Variants in MTMR7 observed in about 807,000 individuals in gnomAD.
The protein encoded by MTMR7 is myotubularin related protein 7.
In MTMR7, 76 loss-of-function variants were observed where a neutral mutation model predicts 81.2. The ratio of observed to expected loss-of-function variants is 0.94; its 90% confidence interval spans 0.78 to 1.13. The LOEUF (loss-of-function observed/expected upper bound fraction) is 1.13, where lower values mean the gene tolerates loss of function less well. Among genes scored for constraint, MTMR7 ranks in the 50% most tolerant of loss-of-function variants. The pLI, the probability that MTMR7 is intolerant of heterozygous loss-of-function variation, is 0.00. For synonymous variants in MTMR7, 372 were observed against 289.8 expected (o/e 1.28, Z -2.88); for missense variants, 1,044 against 820.0 (o/e 1.27, Z -3.34).
intron 1 of MTMR7, among the ~76,000 whole-genome samples, chr8:17,409,139 T>G (rs1297847402): frequency 6.6e-6 from 1 of 152,098 alleles, no homozygotes; most frequent in Non-Finnish European, 1.5e-5. Context: ...ACAAGAGGCC[T>G]GGATTAATAA....
chr8:17,361,246 T>G lies in MTMR7; in HGVS notation c.339A>C (p.Ser113=), dbSNP rs144423444. The part of the protein sequence containing the change: ...PVKYEELYCF[S]FNPMLDKEER... ...CTTCTTTATCCAGCATGGGGTTGAATGAAAAGCAGTATAACTCCTCATATT... is the reference window on the plus strand; with the variant it reads ...CTTCTTTATCCAGCATGGGGTTGAAGGAAAAGCAGTATAACTCCTCATATT... The change falls in exon 4 of 14, where the codon TCA becomes TCC. Residue 113 remains serine, a synonymous_variant. Transcript: ENST00000180173. 94 of 1,614,068 alleles carry G rather than the reference T, an allele frequency of 5.8e-5. No homozygotes were observed. The highest frequency in any genetic ancestry group is 7.9e-5 in the Non-Finnish European group (93 of 1,180,020).
intron 1 of MTMR7, among the ~76,000 whole-genome samples, chr8:17,409,145 A>G (rs1388957851): frequency 6.6e-6 from 1 of 152,194 alleles, no homozygotes. Context: ...GGCCTGGATT[A>G]ATAAAGCAAA....
intron 7 of MTMR7, among the ~76,000 whole-genome samples, chr8:17,327,291 C>T (rs1411121241): frequency 6.6e-6 from 1 of 152,114 alleles, no homozygotes; most frequent in African/African-American, 2.4e-5. Context: ...ATTTTTGAGA[C>T]AGAGCCTAAC....
intron 1 of MTMR7, among the ~76,000 whole-genome samples, chr8:17,390,295 C>A (rs1821069388): frequency 6.6e-6 from 1 of 150,766 alleles, no homozygotes; most frequent in South Asian, 2.1e-4. Context: ...ATGGTGGGAG[C>A]AGGAACAAGA....
intron 7 of MTMR7, among the ~76,000 whole-genome samples, chr8:17,315,686 C>A (rs1818028800): frequency 1.3e-5 from 2 of 152,054 alleles, no homozygotes; most frequent in African/African-American, 2.4e-5. Context: ...TTGGCCACAA[C>A]TGCTCCAGAT....
At position 17,371,173 on chromosome 8, in the gene MTMR7, A is replaced by T; in HGVS notation, c.174T>A (p.Ile58=). Residue 58 remains isoleucine, a synonymous_variant, in exon 3 of 14, where the codon ATT becomes ATA. Transcript: ENST00000180173. Reference sequence around the variant, plus strand: ...CGGTAGCGGTTGTTGCCTGTTTCTCAATGGTGGAAATCTGACTGTGAAGAA... The same window carrying T: ...CGGTAGCGGTTGTTGCCTGTTTCTCTATGGTGGAAATCTGACTGTGAAGAA... ...TWILHSQIST[I]EKQATTATGC... The T allele has an allele frequency of 6.2e-7, 1 of 1,614,148 alleles. No individual in the cohort carries two copies. The highest frequency in any genetic ancestry group is 8.5e-7 in the Non-Finnish European group (1 of 1,180,012).
At chr8:17,305,678 T>C (rs1428453163) in intron 11 of MTMR7, 79 bp downstream of exon 11, 4 of 1,314,752 alleles carry the variant, frequency 3.0e-6, no homozygotes, top group Non-Finnish European at 4.2e-6. Flanking sequence ...GTCTTCAAAA[T>C]TATGAAAGGC....
In MTMR7 at chr8:17,313,317, A is replaced by G. The variant is rs779168989; in HGVS notation, c.950T>C (p.Met317Thr). Residue 317 changes from methionine (M) to threonine (T), a missense_variant, in exon 8 of 14, where the codon ATG becomes ACG. By Grantham distance (81) the Met-to-Thr change is moderately conservative. Coordinates refer to ENST00000180173, the MANE Select transcript of MTMR7 (RefSeq NM_004686.5). ...CTTTGCAATGAAGATTCCTGCATCC[A>G]TTATGGCTTTAATGTGCCTTAACCA... ...SGWLRHIKAI[M>T]DAGIFIAKAV... 6.2e-6 allele frequency: 10 copies of G among 1,612,870 alleles called. No individual in the cohort carries two copies. Among genetic ancestry groups the G allele is most frequent in the African/African-American group, 4.0e-5 (3 of 74,890 alleles).
chr8:17,309,332 C>A lies in MTMR7; in HGVS notation c.1102-6G>T. The A allele has an allele frequency of 6.5e-7, 1 of 1,546,252 alleles. No homozygotes were observed. Among genetic ancestry groups the A allele is most frequent in the Non-Finnish European group, 8.9e-7 (1 of 1,120,262 alleles). ...CAGTCCTTTTCAATTAATACCTACACAAGAAAGAATACAAATATCTTGGAG... is the reference window on the plus strand; with the variant it reads ...CAGTCCTTTTCAATTAATACCTACAAAAGAAAGAATACAAATATCTTGGAG... On this transcript the variant is annotated splice_region_variant and splice_polypyrimidine_tract_variant and intron_variant, in intron 9 of 13. Coordinates refer to ENST00000180173, the MANE Select transcript of MTMR7 (RefSeq NM_004686.5).
chr8:17,351,881 C>T (rs1819740312), intron 4 of MTMR7, among the ~76,000 whole-genome samples: 1 of 152,160 alleles, frequency 6.6e-6, no homozygotes, highest in South Asian at 2.1e-4. Flanking sequence ...TCAAAGTAGA[C>T]AGCACTCTCA....
intron 1 of MTMR7, among the ~76,000 whole-genome samples, chr8:17,401,223 T>C (rs1287503960): frequency 6.6e-6 from 1 of 152,166 alleles, no homozygotes; most frequent in Non-Finnish European, 1.5e-5. Flanking sequence ...TTATATGTGA[T>C]GATAAATTGG....
intron 1 of MTMR7, among the ~76,000 whole-genome samples, chr8:17,401,087 C>T (rs921941765): frequency 2.6e-5 from 4 of 151,588 alleles, no homozygotes; most frequent in South Asian, 2.1e-4. Context: ...TCGGGGGATA[C>T]GGAATGTATG....
intron 3 of MTMR7, among the ~76,000 whole-genome samples, chr8:17,362,586 T>C (rs1318263974): frequency 6.6e-6 from 1 of 152,174 alleles, no homozygotes; most frequent in African/African-American, 2.4e-5. Flanking sequence ...ATGAGACATC[T>C]GGCTGCAGAA....
At chr8:17,386,505 G>C (rs1416960189) in intron 1 of MTMR7, among the ~76,000 whole-genome samples, 2 of 152,214 alleles carry the variant, frequency 1.3e-5, no homozygotes, top group Non-Finnish European at 2.9e-5. Flanking sequence ...GAGCCAAAAG[G>C]GCTTTTATTG....
At chr8:17,375,480 GTT>G (rs372246791) in intron 1 of MTMR7, among the ~76,000 whole-genome samples, 10 of 136,620 alleles carry the variant, frequency 7.3e-5, no homozygotes, top group African/African-American at 1.1e-4. Context: ...ACTAGCTTAT[GTT>G]TTTTTTTTTT....
chr8:17,363,147 T>A (rs1438210227), intron 3 of MTMR7, among the ~76,000 whole-genome samples: 1 of 152,228 alleles, frequency 6.6e-6, no homozygotes, highest in East Asian at 1.9e-4. Context: ...TCATCTTAGC[T>A]AATGTTGCTG....
chr8:17,305,788 A>G lies in MTMR7; in HGVS notation c.1321T>C (p.Cys441Arg), dbSNP rs760519792. The stretch of plus-strand genomic sequence containing the variant: ...TCTCGTCTCTCCTTTTGGCTGTTAC[A>G]TAGGAAGTTTCCAAACTGGCAGGAA... ...IYSCQFGNFLCNSQKERRELK... is the reference protein window; with the variant it reads ...IYSCQFGNFLRNSQKERRELK... Residue 441 changes from cysteine to arginine, a missense_variant, in exon 11 of 14, where the codon TGT becomes CGT. By Grantham distance (180) the Cys-to-Arg change is radical. Coordinates refer to ENST00000180173, the MANE Select transcript of MTMR7 (RefSeq NM_004686.5). The G allele has an allele frequency of 1.9e-6, 3 of 1,613,362 alleles. No individual in the cohort carries two copies. The highest frequency in any genetic ancestry group is 1.3e-5 in the African/African-American group (1 of 74,910).
chr8:17,350,565 C>A (rs1395987617), intron 4 of MTMR7, among the ~76,000 whole-genome samples: 1 of 152,126 alleles, frequency 6.6e-6, no homozygotes, highest in Admixed American at 6.5e-5. Context: ...ATGGGAGCTA[C>A]GATCTAAGAT....
chr8:17,378,699 A>T (rs551910100), intron 1 of MTMR7, among the ~76,000 whole-genome samples: 1 of 152,360 alleles, frequency 6.6e-6, no homozygotes, highest in African/African-American at 2.4e-5. Context: ...ACACTATATT[A>T]TTAATTCTTG....
Sources: gnomAD v4.1 joint callset for allele counts (sites outside exome capture counted in the v4.1 genomes callset) on GRCh38, gnomAD v4.1.1 for gene constraint, MANE v1.5 for transcripts, NCBI Gene and HGNC (gene_info 2026-07-23, HGNC 2026-07-21) for gene names.